KIAA1217: variants seen among roughly 807,000 people sequenced by gnomAD.
KIAA1217 encodes the protein KIAA1217.
Under a neutral mutation model 163.9 loss-of-function variants are expected in KIAA1217, and 88 were observed. The observed-to-expected ratio is 0.54, with a 90% CI of 0.45 to 0.64. KIAA1217 has a LOEUF of 0.64. KIAA1217 is among the 30% of genes least tolerant of loss of function. The pLI, the probability that KIAA1217 is intolerant of heterozygous loss-of-function variation, is 0.00. For synonymous variants in KIAA1217, 903 were observed against 923.1 expected, an observed-to-expected ratio of 0.98 and a Z score of 0.39; for missense variants, 2,372 against 2,475.0, an observed-to-expected ratio of 0.96 and a Z score of 0.88.
rs2130850387 is a variant in KIAA1217 at position 24,219,666 on chromosome 10, T to G, written c.111T>G (p.Asp37Glu). ...ATCTGCATGTAACATCACCAGAAGATGCAGAATGCCGCAGAACCAAGGAAC... is the reference window on the plus strand; with the variant it reads ...ATCTGCATGTAACATCACCAGAAGAGGCAGAATGCCGCAGAACCAAGGAAC... The part of the protein sequence containing the change: ...KGNLHVTSPE[D>E]AECRRTKERL... Residue 37 changes from aspartate to glutamate, a missense_variant, in exon 2 of 21, where the codon GAT (aspartate) becomes GAG (glutamate). Coordinates refer to ENST00000376454, the MANE Select transcript of KIAA1217 (RefSeq NM_019590.5). The G allele has an allele frequency of 6.2e-7, 1 of 1,612,488 alleles. No individual in the cohort carries two copies. The highest frequency in any genetic ancestry group is 1.1e-5 in the South Asian group (1 of 90,656).
chr10:24,395,910 G>T, intron 3 of KIAA1217, among the ~76,000 whole-genome samples: 1 of 152,158 alleles, frequency 6.6e-6, no homozygotes, highest in Non-Finnish European at 1.5e-5. Context: ...TCAAGCTTCA[G>T]GTGGTCATCT....
intron 1 of KIAA1217, among the ~76,000 whole-genome samples, chr10:23,734,300 TA>T (rs1402212301): frequency 7.1e-6 from 1 of 140,534 alleles, no homozygotes; most frequent in Non-Finnish European, 1.5e-5. Context: ...TTTTTTTTTT[TA>T]AATAAGACAG....
intron 2 of KIAA1217, among the ~76,000 whole-genome samples, chr10:24,306,907 A>T (rs528771023): frequency 4.6e-5 from 7 of 152,296 alleles, no homozygotes; most frequent in Admixed American, 1.3e-4. Flanking sequence ...CTTGCATTTT[A>T]CATTCTACTT....
chr10:24,219,883 G>T lies in KIAA1217; in HGVS notation c.328G>T (p.Gly110Cys). Residue 110 changes from glycine (G) to cysteine (C), a missense_variant, in exon 2 of 21, where the codon GGT (glycine) becomes TGT (cysteine). Around this residue, in one of 3 missense-constraint regions of KIAA1217, gnomAD observed 1,431 missense variants for 1,470.3 expected, o/e 0.97. Transcript: ENST00000376454. ...KYPHHASAIM[G>C]HQERLRDQTR... ...CCCCCACCACGCCTCTGCAATCATG[G>T]GTCACCAAGAGAGGCTGAGAGACCA... 1 of 1,607,576 alleles carries T rather than the reference G, an allele frequency of 6.2e-7. No individual in the cohort carries two copies. Among genetic ancestry groups the T allele is most frequent in the Non-Finnish European group, 8.5e-7 (1 of 1,176,610 alleles).
At chr10:23,897,788 T>C (rs1339192682) in intron 1 of KIAA1217, among the ~76,000 whole-genome samples, 1 of 152,040 alleles carries the variant, frequency 6.6e-6, no homozygotes, top group East Asian at 1.9e-4. Flanking sequence ...AAGGATTAAA[T>C]ATAAAAAAGG....
At chr10:24,406,755 G>A (rs1307431378) in intron 3 of KIAA1217, among the ~76,000 whole-genome samples, 1 of 152,150 alleles carries the variant, frequency 6.6e-6, no homozygotes, top group African/African-American at 2.4e-5. Context: ...TTATAATCAG[G>A]TGTATTATTG....
chr10:24,418,994 T>C (rs2058505031), intron 3 of KIAA1217, among the ~76,000 whole-genome samples: 1 of 151,940 alleles, frequency 6.6e-6, no homozygotes, highest in Non-Finnish European at 1.5e-5. Flanking sequence ...CTGGCCAACA[T>C]GGTGAAACCC....
Position 24,273,952 on chromosome 10 carries a change from G to A in KIAA1217, c.354+54043G>A, listed in dbSNP as rs377178874. On this transcript the variant is annotated intron_variant, in intron 2 of 20. Coordinates refer to ENST00000376454, the MANE Select transcript of KIAA1217 (RefSeq NM_019590.5). ...CCAAATATAAAAATGTAGGATCTTAGTCCAATCAGAGCAGATATTTGGTGT... is the reference window on the plus strand; with the variant it reads ...CCAAATATAAAAATGTAGGATCTTAATCCAATCAGAGCAGATATTTGGTGT... Among the ~76,000 whole-genome samples the A allele has an allele frequency of 1.2e-4, 19 of 152,072 alleles. 1 individual carries two copies. The highest frequency in any genetic ancestry group is 1.0e-3 in the Admixed American group (16 of 15,246).
intron 2 of KIAA1217, among the ~76,000 whole-genome samples, chr10:24,321,565 A>G (rs1282633773): frequency 6.6e-6 from 1 of 152,186 alleles, no homozygotes; most frequent in Non-Finnish European, 1.5e-5. Flanking sequence ...AAGGATGGAC[A>G]CAACCCAGGA....
intron 1 of KIAA1217, among the ~76,000 whole-genome samples, chr10:23,858,218 A>G (rs1839791594): frequency 6.6e-6 from 1 of 152,076 alleles, no homozygotes; most frequent in South Asian, 2.1e-4. Flanking sequence ...CTCCTGAAAA[A>G]TGAGCTGGAT....
In KIAA1217 at chr10:23,790,413, A is replaced by G. The variant is rs1312596497; in HGVS notation, c.-321+95179A>G. On this transcript the variant is annotated intron_variant, in intron 1 of 18. Coordinates refer to the KIAA1217 transcript ENST00000376462. ...TATGTATATATACATATATACATATACATATATACATATATACATATACAT... is the reference window on the plus strand; with the variant it reads ...TATGTATATATACATATATACATATGCATATATACATATATACATATACAT... 6.0e-4 allele frequency among the ~76,000 whole-genome samples: 36 copies of G among 59,704 alleles called. 3 individuals carry two copies. The highest frequency in any genetic ancestry group is 1.1e-3 in the Admixed American group (6 of 5,480). 39.2% of individuals were successfully genotyped at this position (59,704 alleles called of 152,430 possible).
intron 2 of KIAA1217, among the ~76,000 whole-genome samples, chr10:24,320,832 G>A (rs868771144): frequency 3.3e-5 from 5 of 151,728 alleles, no homozygotes; most frequent in African/African-American, 1.2e-4. Flanking sequence ...TCACGAGGTC[G>A]GGAGATCGAG....
intron 2 of KIAA1217, among the ~76,000 whole-genome samples, chr10:24,225,676 G>A (rs2070422018): frequency 6.6e-6 from 1 of 152,200 alleles, no homozygotes; most frequent in African/African-American, 2.4e-5. Flanking sequence ...CACATATAAA[G>A]AATAGTCTTT....
chr10:24,518,685 G>A (rs917611907), intron 10 of KIAA1217, among the ~76,000 whole-genome samples: 1 of 152,166 alleles, frequency 6.6e-6, no homozygotes, highest in Non-Finnish European at 1.5e-5. Context: ...TTTTCCACAC[G>A]AAGTTACCAT....
intron 1 of KIAA1217, 97 bp downstream of exon 1, chr10:24,209,360 G>GAAA (rs397774795): frequency 6.6e-4 from 384 of 584,194 alleles, no homozygotes; most frequent in South Asian, 9.4e-4. Context: ...CCCGGCAAAG[G>GAAA]AAAAAAAAAA....
intron 1 of KIAA1217, among the ~76,000 whole-genome samples, chr10:23,961,142 C>A (rs1378930119): frequency 1.3e-5 from 2 of 152,120 alleles, no homozygotes; most frequent in Non-Finnish European, 2.9e-5. Context: ...ATGCAATTTC[C>A]ATGAAATACC....
intron 2 of KIAA1217, among the ~76,000 whole-genome samples, chr10:24,366,006 G>A (rs2050731760): frequency 6.6e-6 from 1 of 152,142 alleles, no homozygotes; most frequent in African/African-American, 2.4e-5. Flanking sequence ...ATATGCGTGT[G>A]CAGTAAGATA....
rs151271385 is a variant in KIAA1217, at chr10:23,797,355, AAGG to A, written c.-321+102127_-321+102129del. On this transcript the variant is annotated intron_variant, in intron 1 of 18. Transcript: ENST00000376462. ...AGACATTTTTAATCTCTATTTCAGA[AAGG>A]AGGAGACTGAATTTGTGAGAGAATA... Among the ~76,000 whole-genome samples, 477 of 152,266 alleles carry A rather than the reference AAGG, an allele frequency of 3.1e-3. 1 individual carries two copies. Among genetic ancestry groups the A allele is most frequent in the African/African-American group, 0.011 (456 of 41,562 alleles).
At chr10:23,903,691 G>A (rs1030668428) in intron 1 of KIAA1217, among the ~76,000 whole-genome samples, 2 of 152,040 alleles carry the variant, frequency 1.3e-5, no homozygotes, top group African/African-American at 4.8e-5. Context: ...GGGGAAGTAG[G>A]TCAGAGAGTT....
Sources: allele counts gnomAD v4.1 joint callset (sites outside exome capture counted in the v4.1 genomes callset), GRCh38; gene constraint gnomAD v4.1.1; regional missense constraint gnomAD v4.1.1; transcripts MANE v1.5; gene names NCBI Gene and HGNC (gene_info 2026-07-23, HGNC 2026-07-21).